Variants in CNTNAP2 observed in about 807,000 individuals in gnomAD.
CNTNAP2 encodes the protein contactin-associated protein-like 2.
CNTNAP2 carries 98 observed loss-of-function variants against 155.2 expected under a neutral mutation model. The ratio of observed to expected loss-of-function variants is 0.63; its 90% CI spans 0.54 to 0.75. The LOEUF is 0.75. Among genes scored for constraint, CNTNAP2 ranks in the 30% least tolerant of loss-of-function variants. The pLI is 0.00. For missense variants in CNTNAP2, 1,727 were observed against 1,688.1 expected (o/e 1.02, Z -0.40); for synonymous variants, 651 against 631.2 (o/e 1.03, Z -0.47).
intron 21 of CNTNAP2, among the ~76,000 whole-genome samples, chr7:148,268,260 G>A (rs1292577921): frequency 6.6e-6 from 1 of 152,168 alleles, no homozygotes; most frequent in Non-Finnish European, 1.5e-5. Flanking sequence ...GGCGGCCAGT[G>A]TGTAGAAGTG....
intron 1 of CNTNAP2, among the ~76,000 whole-genome samples, chr7:146,449,433 T>A (rs1584930722): frequency 6.6e-6 from 1 of 152,018 alleles, no homozygotes; most frequent in East Asian, 1.9e-4. Flanking sequence ...AAAAAGAAAA[T>A]CCAAGGAATT....
At chr7:146,728,979 G>C (rs1801479489) in intron 1 of CNTNAP2, among the ~76,000 whole-genome samples, 1 of 152,160 alleles carries the variant, frequency 6.6e-6, no homozygotes, top group South Asian at 2.1e-4. Flanking sequence ...GTGGCTACTT[G>C]ATATTTTAAA....
At position 147,395,652 on chromosome 7, in the gene CNTNAP2, G is replaced by A. The variant is rs1327841911; in HGVS notation, c.1542G>A (p.Gln514=). Residue 514 remains glutamine, a synonymous_variant, in exon 10 of 24, where the codon CAG becomes CAA. Coordinates refer to ENST00000361727, the MANE Select transcript of CNTNAP2 (RefSeq NM_014141.6). ...QMNNSSHSVL[Q]PSFQGCMQLI... is the part of the protein sequence containing the mutation. Reference sequence around the variant, plus strand: ...ATAACTCAAGTCACTCTGTCCTTCAGCCTTCATTCCAAGGATGCATGCAGC... The same window carrying A: ...ATAACTCAAGTCACTCTGTCCTTCAACCTTCATTCCAAGGATGCATGCAGC... 1 of 1,612,450 alleles carries A rather than the reference G, an allele frequency of 6.2e-7. No homozygotes were observed. The highest frequency in any genetic ancestry group is 1.3e-5 in the African/African-American group (1 of 74,950).
At position 147,132,388 on chromosome 7, in the gene CNTNAP2, C is replaced by G. The variant is rs756898951; in HGVS notation, c.1227C>G (p.Leu409=). The G allele has an allele frequency of 3.1e-6, 5 of 1,613,558 alleles. No individual in the cohort carries two copies. Among genetic ancestry groups the G allele is most frequent in the Non-Finnish European group, 4.2e-6 (5 of 1,179,824 alleles). The change falls in exon 8 of 24, where the codon CTC becomes CTG. Residue 409 remains leucine (L), a synonymous_variant. Coordinates refer to ENST00000361727, the MANE Select transcript of CNTNAP2 (RefSeq NM_014141.6). ...FQFRTWNPNG[L]LVFSHFADNL... is the part of the protein sequence containing the mutation. ...TTAGGACATGGAACCCCAATGGTCT[C>G]CTGGTCTTCAGTCACTTTGCGGATA...
intron 20 of CNTNAP2, among the ~76,000 whole-genome samples, chr7:148,235,292 T>C (rs982212613): frequency 1.2e-4 from 19 of 152,178 alleles, no homozygotes; most frequent in Middle Eastern, 3.2e-3. Flanking sequence ...CAGAGAAGTG[T>C]CAAAAACATT....
intron 1 of CNTNAP2, among the ~76,000 whole-genome samples, chr7:146,398,776 A>T (rs1418431354): frequency 6.6e-6 from 1 of 152,034 alleles, no homozygotes; most frequent in Non-Finnish European, 1.5e-5. Flanking sequence ...AAATATATAT[A>T]TATTTATTTG....
chr7:147,730,096 T>A (rs57678081), intron 13 of CNTNAP2, among the ~76,000 whole-genome samples: 8,341 of 152,180 alleles, frequency 0.055, 726 homozygotes, highest in African/African-American at 0.19. Flanking sequence ...GTATTTAGGC[T>A]AATGAGTTAG....
chr7:146,971,925 T>A (rs1338079605), intron 3 of CNTNAP2, among the ~76,000 whole-genome samples: 3 of 152,216 alleles, frequency 2.0e-5, no homozygotes, highest in African/African-American at 7.2e-5. Flanking sequence ...GAAATTTATA[T>A]CACGCATCTA....
At chr7:146,390,599 T>C (rs1009753174) in intron 1 of CNTNAP2, among the ~76,000 whole-genome samples, 4 of 149,994 alleles carry the variant, frequency 2.7e-5, no homozygotes, top group East Asian at 1.9e-4. Context: ...TATATTTTCA[T>C]GAAATAAAAA....
intron 21 of CNTNAP2, among the ~76,000 whole-genome samples, chr7:148,312,916 G>T (rs891348863): frequency 9.3e-5 from 14 of 151,262 alleles, no homozygotes; most frequent in South Asian, 2.1e-4. Context: ...AGATACAAGT[G>T]GGGGGGATGT....
intron 13 of CNTNAP2, among the ~76,000 whole-genome samples, chr7:147,798,013 C>T (rs1046538660): frequency 1.3e-5 from 2 of 151,996 alleles, no homozygotes; most frequent in Non-Finnish European, 2.9e-5. Flanking sequence ...GTAATACAGC[C>T]GTAACTTGTC....
chr7:146,785,729 T>C (rs534705037), intron 2 of CNTNAP2, among the ~76,000 whole-genome samples: 3 of 152,338 alleles, frequency 2.0e-5, no homozygotes, highest in African/African-American at 7.2e-5. Context: ...TTTTTAAAAA[T>C]GAATATTCAG....
chr7:146,544,075 A>G (rs1481667861), intron 1 of CNTNAP2, among the ~76,000 whole-genome samples: 1 of 151,996 alleles, frequency 6.6e-6, no homozygotes, highest in Non-Finnish European at 1.5e-5. Context: ...ATTAGTTTAA[A>G]AATTAAATTA....
At chr7:148,383,016 G>A (rs1340095771) in intron 21 of CNTNAP2, among the ~76,000 whole-genome samples, 1 of 152,134 alleles carries the variant, frequency 6.6e-6, no homozygotes, top group East Asian at 1.9e-4. Flanking sequence ...GTGGGGAGAT[G>A]GTGAGATTCA....
chr7:146,199,881 T>A (rs976074269), intron 1 of CNTNAP2, among the ~76,000 whole-genome samples: 21 of 152,206 alleles, frequency 1.4e-4, no homozygotes, highest in African/African-American at 5.1e-4. Flanking sequence ...TTTCTGTTTC[T>A]ATGCTTGAAA....
At chr7:148,344,357 G>C (rs190870409) in intron 21 of CNTNAP2, among the ~76,000 whole-genome samples, 1 of 152,108 alleles carries the variant, frequency 6.6e-6, no homozygotes, top group East Asian at 1.9e-4. Context: ...GTGTGTCCGG[G>C]TCTCTGGGGT....
chr7:146,138,562 A>G (rs543882649), intron 1 of CNTNAP2, among the ~76,000 whole-genome samples: 1 of 152,278 alleles, frequency 6.6e-6, no homozygotes, highest in Middle Eastern at 3.4e-3. Context: ...GGTAAGAAAT[A>G]TAACCTTTGG....
intron 13 of CNTNAP2, among the ~76,000 whole-genome samples, chr7:147,849,053 C>A (rs553695129): frequency 6.6e-6 from 1 of 152,264 alleles, no homozygotes; most frequent in East Asian, 1.9e-4. Context: ...AGTAAAATTT[C>A]TCCTAGAGGT....
chr7:147,162,518 T>C (rs1802045912), intron 8 of CNTNAP2, among the ~76,000 whole-genome samples: 1 of 152,182 alleles, frequency 6.6e-6, no homozygotes, highest in South Asian at 2.1e-4. Context: ...GAAAATGTCT[T>C]CTGTGGATCT....
Sources: allele counts gnomAD v4.1 joint callset (sites outside exome capture counted in the v4.1 genomes callset), GRCh38; gene constraint gnomAD v4.1.1; transcripts MANE v1.5; gene names NCBI Gene and HGNC (gene_info 2026-07-23, HGNC 2026-07-21).